The following PDE10A variants were observed in gnomAD, a reference collection of about 807,000 sequenced individuals.
The protein encoded by PDE10A is phosphodiesterase 10A.
Under a neutral mutation model 97.7 loss-of-function variants are expected in PDE10A, and 39 were observed. That is an observed-to-expected ratio of 0.40 (90% confidence interval 0.31 to 0.52). The LOEUF is 0.52. PDE10A is among the 20% of genes least tolerant of loss of function. The pLI is 0.56. For missense variants in PDE10A, 731 were observed against 1,047.8 expected (o/e 0.70, Z 4.17); for synonymous variants, 371 against 376.8 (o/e 0.98, Z 0.18).
At chr6:165,596,736 C>A (rs114237785) in intron 1 of PDE10A, among the ~76,000 whole-genome samples, 2,482 of 151,504 alleles carry the variant, frequency 0.016, 49 homozygotes, top group African/African-American at 0.039. Flanking sequence ...CACACACACA[C>A]AAAAAAAATA....
At chr6:165,650,437 C>T (rs972761723) in intron 1 of PDE10A, among the ~76,000 whole-genome samples, 1 of 152,082 alleles carries the variant, frequency 6.6e-6, no homozygotes, top group Admixed American at 6.5e-5. Context: ...TTCCCAGTTT[C>T]TTTACGCAAT....
At chr6:165,801,002 C>A in intron 1 of PDE10A, among the ~76,000 whole-genome samples, 1 of 152,208 alleles carries the variant, frequency 6.6e-6, no homozygotes, top group East Asian at 1.9e-4. Flanking sequence ...AGATAAAAGG[C>A]TGATTATGAA....
intron 1 of PDE10A, among the ~76,000 whole-genome samples, chr6:165,732,837 A>G (rs927649697): frequency 1.3e-5 from 2 of 152,192 alleles, no homozygotes; most frequent in African/African-American, 4.8e-5. Flanking sequence ...AGGGCTTCTC[A>G]GCCCCATCCT....
intron 1 of PDE10A, among the ~76,000 whole-genome samples, chr6:165,966,814 T>C (rs1383145190): frequency 6.6e-6 from 1 of 152,220 alleles, no homozygotes; most frequent in African/African-American, 2.4e-5. Flanking sequence ...GTTTATATTC[T>C]GATTTTATGC....
At chr6:165,469,126 G>C (rs530624408) in intron 3 of PDE10A, among the ~76,000 whole-genome samples, 1 of 152,302 alleles carries the variant, frequency 6.6e-6, no homozygotes, top group South Asian at 2.1e-4. Flanking sequence ...TGAGTAATAA[G>C]ATATGCATCT....
intron 1 of PDE10A, among the ~76,000 whole-genome samples, chr6:165,905,676 G>GA (rs149215921): frequency 0.15 from 22,621 of 148,006 alleles, 1,892 homozygotes; most frequent in East Asian, 0.27. Flanking sequence ...TTTTTTAACT[G>GA]AAAAAAAAAC....
intron 1 of PDE10A, among the ~76,000 whole-genome samples, chr6:165,626,004 G>A (rs1788369445): frequency 6.6e-6 from 1 of 152,218 alleles, no homozygotes; most frequent in South Asian, 2.1e-4. Flanking sequence ...TGGGCGAAGA[G>A]AGAGGTTGGA....
intron 1 of PDE10A, among the ~76,000 whole-genome samples, chr6:165,733,012 G>A (rs983221963): frequency 1.3e-5 from 2 of 152,332 alleles, no homozygotes; most frequent in Middle Eastern, 3.4e-3. Flanking sequence ...CTGTCTGGAT[G>A]AATAACTACC....
intron 1 of PDE10A, among the ~76,000 whole-genome samples, chr6:165,771,466 T>G (rs1481760354): frequency 7.2e-5 from 11 of 152,024 alleles, no homozygotes; most frequent in African/African-American, 2.7e-4. Context: ...ACAACCAGGT[T>G]CTGATTTGGA....
intron 1 of PDE10A, among the ~76,000 whole-genome samples, chr6:165,965,005 G>A (rs942114227): frequency 1.5e-4 from 23 of 152,236 alleles, no homozygotes; most frequent in South Asian, 4.1e-4. Flanking sequence ...GCCAGGTGAT[G>A]GGGTAGGGGC....
intron 1 of PDE10A, among the ~76,000 whole-genome samples, chr6:165,803,275 C>T (rs1295053221): frequency 6.6e-6 from 1 of 152,184 alleles, no homozygotes; most frequent in Admixed American, 6.5e-5. Flanking sequence ...TCTAGATATG[C>T]TCCCTGAGTG....
chr6:165,622,592 T>C (rs1788197479), intron 1 of PDE10A, among the ~76,000 whole-genome samples: 1 of 152,178 alleles, frequency 6.6e-6, no homozygotes, highest in African/African-American at 2.4e-5. Flanking sequence ...GTGACCACCA[T>C]CATATATGTG....
intron 2 of PDE10A, among the ~76,000 whole-genome samples, chr6:165,491,139 CA>C (rs1780204153): frequency 6.6e-6 from 1 of 152,082 alleles, no homozygotes; most frequent in African/African-American, 2.4e-5. Flanking sequence ...TTTAAAGCAA[CA>C]GCAGTTAAGA....
At chr6:165,941,554 T>A (rs540831841) in intron 1 of PDE10A, among the ~76,000 whole-genome samples, 1 of 152,256 alleles carries the variant, frequency 6.6e-6, no homozygotes, top group African/African-American at 2.4e-5. Context: ...TGGAGGTGGA[T>A]CCCTCACGGC....
intron 3 of PDE10A, among the ~76,000 whole-genome samples, chr6:165,460,743 TA>T (rs1475838311): frequency 1.3e-5 from 2 of 152,124 alleles, no homozygotes; most frequent in East Asian, 3.9e-4. Flanking sequence ...CCTATAAATT[TA>T]TGGGGAAGAG....
intron 18 of PDE10A, among the ~76,000 whole-genome samples, chr6:165,352,304 G>A (rs987438651): frequency 5.3e-5 from 8 of 151,896 alleles, no homozygotes; most frequent in African/African-American, 1.9e-4. Context: ...CTATACATTG[G>A]GCAACTTGAG....
At chr6:165,908,832 C>T (rs893554354) in intron 1 of PDE10A, 1 of 152,274 alleles carries the variant, frequency 6.6e-6, no homozygotes, top group Non-Finnish European at 1.5e-5. Flanking sequence ...AGCCAGAAAG[C>T]TGCTCTGTGG....
chr6:165,332,073 C>T lies in PDE10A; in HGVS notation c.*952G>A, dbSNP rs964871807. 4 of 152,052 alleles carry T rather than the reference C, an allele frequency of 2.6e-5. No individual in the cohort carries two copies. Among genetic ancestry groups the T allele is most frequent in the African/African-American group, 9.7e-5 (4 of 41,406 alleles). The allele number at this position is 152,052 out of a possible 1,614,324, so 9.4% of individuals were successfully genotyped here. A position where few individuals can be genotyped will look rare whatever the true frequency, so the allele number is the denominator to read the frequency against. On this transcript the variant is annotated 3_prime_UTR_variant, in exon 22 of 22. Coordinates refer to ENST00000539869, the MANE Select transcript of PDE10A (RefSeq NM_001385079.1). ...TTAATTAAACAATGTTTAAAATAAA[C>T]TTTTCATTGTGAATGAGAGTCTAAA...
intron 2 of PDE10A, among the ~76,000 whole-genome samples, chr6:165,508,138 TC>T (rs1483467207): frequency 6.6e-6 from 1 of 152,036 alleles, no homozygotes; most frequent in Non-Finnish European, 1.5e-5. Flanking sequence ...GTTGCAAAGT[TC>T]ACATACACAT....
Sources: allele counts gnomAD v4.1 joint callset (sites outside exome capture counted in the v4.1 genomes callset), GRCh38; gene constraint gnomAD v4.1.1; transcripts MANE v1.5; gene names NCBI Gene and HGNC (gene_info 2026-07-23, HGNC 2026-07-21).